The following UNKL variants were observed in gnomAD, a reference collection of about 807,000 sequenced individuals.
UNKL encodes the protein putative E3 ubiquitin-protein ligase UNKL.
A neutral mutation model predicts 78.0 loss-of-function variants in UNKL; 60 were observed. The observed-to-expected ratio is 0.77, with a 90% CI of 0.63 to 0.95. The LOEUF is 0.95. UNKL is among the 40% of genes least tolerant of loss of function. UNKL has a pLI of 0.00. For missense variants in UNKL, 1,159 were observed against 1,045.7 expected (o/e 1.11, Z -1.49); for synonymous variants, 608 against 474.8 (o/e 1.28, Z -3.65).
At position 1,367,079 on chromosome 16, in the gene UNKL, GAGC is replaced by G; in HGVS notation, c.2046+10_2046+12del. 6.5e-7 allele frequency: 1 copy of G among 1,532,508 alleles called. No individual in the cohort carries two copies. The highest frequency in any genetic ancestry group is 8.7e-7 in the Non-Finnish European group (1 of 1,143,342). The allele number at this position is 1,532,508 out of a possible 1,614,324, so 94.9% of individuals were successfully genotyped here. ...GCAGGCTGGCCCCTCACCCTGCCCA[GAGC>G]AGGACTCACGCCGTCCACCGCCTCC... On this transcript the variant is annotated intron_variant, in intron 14 of 14. Transcript: ENST00000389221.
At chr16:1,394,018 C>T in intron 7 of UNKL, 113 bp downstream of exon 7, 3 of 1,107,582 alleles carry the variant, frequency 2.7e-6, no homozygotes, top group South Asian at 1.5e-5. Flanking sequence ...TGCTGAGCTC[C>T]TGCCCGCCTT....
rs1032289419 is a variant in UNKL, at chr16:1,366,000, G to C, written c.*240C>G. 1.6e-5 allele frequency: 7 copies of C among 428,866 alleles called. No homozygotes were observed. Among genetic ancestry groups the C allele is most frequent in the African/African-American group, 1.2e-4 (6 of 49,858 alleles). 26.6% of individuals were successfully genotyped at this position (428,866 alleles called of 1,614,324 possible). The stretch of plus-strand genomic sequence containing the variant: ...GCGGGTTCTGTGGGTTTGCATTTAA[G>C]GTTTTTGAGGAAAATACCTTGAAAC... On this transcript the variant is annotated 3_prime_UTR_variant, in exon 15 of 15. Transcript: ENST00000389221.
chr16:1,394,726 C>T (rs959064940), intron 6 of UNKL, among the ~76,000 whole-genome samples: 5 of 152,222 alleles, frequency 3.3e-5, no homozygotes, highest in African/African-American at 4.8e-5. Context: ...CGTAGCTCTC[C>T]GTAAAGGACA....
chr16:1,405,377 C>T lies in UNKL; in HGVS notation c.288-2033G>A, dbSNP rs142340770. Among the ~76,000 whole-genome samples the T allele has an allele frequency of 9.4e-3, 1,421 of 151,928 alleles. 31 individuals carry two copies. The highest frequency in any genetic ancestry group is 0.032 in the African/African-American group (1,329 of 41,440). ...TTGGAAGGCCAAGGCGGGTGGATCA[C>T]GAGCTCAAGAGTTCAAGACCAGCCT... On this transcript the variant is annotated intron_variant, in intron 2 of 14. Coordinates refer to ENST00000389221, the MANE Select transcript of UNKL (RefSeq NM_001372107.1).
At chr16:1,394,732 G>A (rs2037186678) in intron 6 of UNKL, among the ~76,000 whole-genome samples, 2 of 152,116 alleles carry the variant, frequency 1.3e-5, no homozygotes, top group South Asian at 2.1e-4. Flanking sequence ...TCTCCGTAAA[G>A]GACACGGCAC....
intron 2 of UNKL, among the ~76,000 whole-genome samples, chr16:1,406,242 T>G (rs2037757976): frequency 2.0e-5 from 3 of 147,194 alleles, no homozygotes; most frequent in Admixed American, 1.4e-4. Flanking sequence ...TGAGACAGAG[T>G]CTCACTGTTG....
chr16:1,413,546 CA>C (rs1262822396), intron 2 of UNKL, among the ~76,000 whole-genome samples: 2 of 152,120 alleles, frequency 1.3e-5, no homozygotes, highest in Admixed American at 1.3e-4. Context: ...CCAGCCAGAG[CA>C]ACAAGAGTGA....
intron 11 of UNKL, among the ~76,000 whole-genome samples, chr16:1,370,695 T>C (rs2035737984): frequency 6.6e-6 from 1 of 152,240 alleles, no homozygotes; most frequent in Non-Finnish European, 1.5e-5. Flanking sequence ...TCCCAGCACT[T>C]GTCCAGGCCC....
In UNKL at chr16:1,371,510, C is replaced by T; in HGVS notation, c.1357+9G>A. 6.5e-7 allele frequency: 1 copy of T among 1,536,052 alleles called. No homozygotes were observed. Among genetic ancestry groups the T allele is most frequent in the Non-Finnish European group, 8.7e-7 (1 of 1,146,830 alleles). ...GAGGAGCAGGGCCCCAGGTCCTCCCCACCCTCACCTGCTGCTCCCAGGTCG... is the reference window on the plus strand; with the variant it reads ...GAGGAGCAGGGCCCCAGGTCCTCCCTACCCTCACCTGCTGCTCCCAGGTCG... On this transcript the variant is annotated intron_variant, in intron 11 of 14. Coordinates refer to ENST00000389221, the MANE Select transcript of UNKL (RefSeq NM_001372107.1).
Position 1,401,583 on chromosome 16 carries a change from CCTCGCTCAGGAT to C in UNKL, c.571_582del (p.Ile191_Glu194del). 1 of 1,578,646 alleles carries C rather than the reference CCTCGCTCAGGAT, an allele frequency of 6.3e-7. No individual in the cohort carries two copies. The highest frequency in any genetic ancestry group is 8.6e-7 in the Non-Finnish European group (1 of 1,157,732). On this transcript the variant is annotated inframe_deletion, in exon 4 of 15. Coordinates refer to ENST00000389221, the MANE Select transcript of UNKL (RefSeq NM_001372107.1). ...GTGGAGTTACCTTGCCACCGGGGGT[CCTCGCTCAGGAT>C]CTTCTCAATCATGGCCTGGCTGGCC...
intron 2 of UNKL, among the ~76,000 whole-genome samples, chr16:1,409,457 C>G (rs79590264): frequency 3.9e-5 from 6 of 151,990 alleles, no homozygotes; most frequent in Non-Finnish European, 7.4e-5. Context: ...AAGGGCCGGT[C>G]GAAGCAAGTC....
chr16:1,367,795 G>T lies in UNKL; in HGVS notation c.1649C>A (p.Ser550Tyr), dbSNP rs2035431385. Residue 550 changes from serine to tyrosine, a missense_variant, in exon 13 of 15, where the codon TCC (serine) becomes TAC (tyrosine). Transcript: ENST00000389221. ...TGGGGGGCCGGCACTCAGGATGGGGGAGGGGCTGGGGGAGAAGCTGCCGGA... is the reference window on the plus strand; with the variant it reads ...TGGGGGGCCGGCACTCAGGATGGGGTAGGGGCTGGGGGAGAAGCTGCCGGA... ...FVSGSFSPSPSPILSAGPPSS... is the reference protein window; with the variant it reads ...FVSGSFSPSPYPILSAGPPSS... 1 of 1,574,968 alleles carries T rather than the reference G, an allele frequency of 6.3e-7. No individual in the cohort carries two copies. The highest frequency in any genetic ancestry group is 1.3e-5 in the African/African-American group (1 of 74,158).
chr16:1,400,640 T>C (rs1432063175), intron 4 of UNKL, among the ~76,000 whole-genome samples: 4 of 151,940 alleles, frequency 2.6e-5, no homozygotes, highest in African/African-American at 7.3e-5. Flanking sequence ...ACGTGCTAAA[T>C]GCCACTGGAC....
At chr16:1,368,404 C>T (rs2035486494) in intron 12 of UNKL, among the ~76,000 whole-genome samples, 1 of 151,110 alleles carries the variant, frequency 6.6e-6, no homozygotes, top group Non-Finnish European at 1.5e-5. Context: ...AGATCGAGAC[C>T]ATCCTGGCTA....
chr16:1,401,260 G>A, intron 4 of UNKL: 1 of 279,500 alleles, frequency 3.6e-6, no homozygotes, highest in Non-Finnish European at 6.6e-6. Flanking sequence ...CTCTGGGACA[G>A]GACGCCTCAC....
chr16:1,374,536 C>T (rs2036069622), intron 10 of UNKL, among the ~76,000 whole-genome samples: 1 of 152,196 alleles, frequency 6.6e-6, no homozygotes, highest in African/African-American at 2.4e-5. Flanking sequence ...CGCCGGGAAC[C>T]TCCACAGCCT....
intron 6 of UNKL, chr16:1,395,707 C>A (rs1174649229): frequency 6.6e-6 from 3 of 456,474 alleles, no homozygotes; most frequent in Non-Finnish European, 1.3e-5. Context: ...CTGTGGCCCA[C>A]GTGGTGCCAG....
chr16:1,364,278 T>C lies in UNKL; in HGVS notation c.*1962A>G, dbSNP rs577703852. On this transcript the variant is annotated 3_prime_UTR_variant, in exon 15 of 15. Coordinates refer to ENST00000389221, the MANE Select transcript of UNKL (RefSeq NM_001372107.1). ...TTCCTTTAAAACAACAGAATGTTGC[T>C]ATCAGTTTGTCTTACGTTAAAACAG... 6.6e-6 allele frequency: 1 copy of C among 152,264 alleles called. No homozygotes were observed. The highest frequency in any genetic ancestry group is 1.5e-5 in the Non-Finnish European group (1 of 68,046). The allele number at this position is 152,264 out of a possible 1,614,324, so 9.4% of individuals were successfully genotyped here.
At chr16:1,386,173 C>A (rs1341190416) in intron 9 of UNKL, among the ~76,000 whole-genome samples, 1 of 152,194 alleles carries the variant, frequency 6.6e-6, no homozygotes, top group Non-Finnish European at 1.5e-5. Flanking sequence ...CTTTGGGAGG[C>A]CAAGGTGGGC....
Sources: gnomAD v4.1 joint callset for allele counts (sites outside exome capture counted in the v4.1 genomes callset) on GRCh38, gnomAD v4.1.1 for gene constraint, MANE v1.5 for transcripts, NCBI Gene and HGNC (gene_info 2026-07-23, HGNC 2026-07-21) for gene names.